The following PCDHA10 variants were observed in gnomAD, a reference collection of about 807,000 sequenced individuals.
PCDHA10 encodes protocadherin alpha 10.
In PCDHA10, 45 loss-of-function variants were observed where a neutral mutation model predicts 61.2. The observed-to-expected ratio is 0.74, with a 90% confidence interval of 0.58 to 0.94. The LOEUF (loss-of-function observed/expected upper bound fraction) is 0.94, where lower values mean the gene tolerates loss of function less well. PCDHA10 is among the 40% of genes least tolerant of loss of function. The pLI, the probability that PCDHA10 is intolerant of heterozygous loss-of-function variation, is 0.00. For synonymous variants in PCDHA10, 602 were observed against 548.8 expected (o/e 1.10, Z -1.35); for missense variants, 1,278 against 1,236.2 (o/e 1.03, Z -0.51).
intron 1 of PCDHA10, chr5:140,871,357 C>A: frequency 6.2e-7 from 1 of 1,614,196 alleles, no homozygotes; most frequent in Non-Finnish European, 8.5e-7. Flanking sequence ...ATACTCGCAG[C>A]AGAGGCGGCA....
rs1249815194 is a variant in PCDHA10 at position 140,858,033 on chromosome 5, C to T, written c.1985C>T (p.Ala662Val). The stretch of plus-strand genomic sequence containing the variant: ...GGCGAGCCGTCGCTGACGGCCACGG[C>T]CACTGTGCTTGTGTCGCTTGTGGAG... ...DHGEPSLTAT[A>V]TVLVSLVEGS... The change falls in exon 1 of 4, where the codon GCC becomes GTC. Residue 662 changes from alanine (A) to valine (V), a missense_variant. Transcript: ENST00000307360. 2 of 1,597,066 alleles carry T rather than the reference C, an allele frequency of 1.3e-6. No individual in the cohort carries two copies. Among genetic ancestry groups the T allele is most frequent in the Non-Finnish European group, 1.7e-6 (2 of 1,167,256 alleles).
chr5:140,953,713 A>T (rs1372806666), intron 1 of PCDHA10, among the ~76,000 whole-genome samples: 1 of 152,218 alleles, frequency 6.6e-6, no homozygotes, highest in Admixed American at 6.5e-5. Context: ...TGAGCTTCAG[A>T]CATTGTGTTT....
chr5:140,873,875 G>T (rs977504739), intron 1 of PCDHA10, among the ~76,000 whole-genome samples: 2 of 152,104 alleles, frequency 1.3e-5, no homozygotes, highest in African/African-American at 4.8e-5. Context: ...TGGCCAGGCT[G>T]GTCTTGAACT....
At chr5:140,902,530 G>C (rs569387885) in intron 1 of PCDHA10, among the ~76,000 whole-genome samples, 1 of 152,026 alleles carries the variant, frequency 6.6e-6, no homozygotes, top group African/African-American at 2.4e-5. Flanking sequence ...TTATTATGTT[G>C]AGGTATGTTC....
At chr5:140,872,497 C>G (rs1554166232) in intron 1 of PCDHA10, among the ~76,000 whole-genome samples, 1 of 152,150 alleles carries the variant, frequency 6.6e-6, no homozygotes. Context: ...CCTAGTGGTG[C>G]ATGCCTGTAG....
intron 1 of PCDHA10, among the ~76,000 whole-genome samples, chr5:140,920,824 C>T (rs537294471): frequency 3.4e-5 from 5 of 145,004 alleles, no homozygotes; most frequent in Admixed American, 1.4e-4. Context: ...AGCCTGGCGA[C>T]GGAGCAAGAC....
intron 1 of PCDHA10, chr5:140,865,693 C>T (rs1274401482): frequency 6.6e-6 from 1 of 152,076 alleles, no homozygotes; most frequent in South Asian, 2.1e-4. Context: ...TATGACTGTT[C>T]CAATTTGAAA....
intron 1 of PCDHA10, chr5:140,867,574 C>T (rs1581813828): frequency 6.6e-6 from 1 of 152,044 alleles, no homozygotes; most frequent in East Asian, 1.9e-4. Context: ...TTCATATGCC[C>T]TTGCAGTATT....
chr5:140,903,301 A>G (rs575233990), intron 1 of PCDHA10, among the ~76,000 whole-genome samples: 1 of 152,302 alleles, frequency 6.6e-6, no homozygotes, highest in East Asian at 1.9e-4. Context: ...GAAATTTAGT[A>G]TACAATAAAG....
chr5:140,873,086 C>T (rs984385666), intron 1 of PCDHA10, among the ~76,000 whole-genome samples: 6 of 152,122 alleles, frequency 3.9e-5, no homozygotes, highest in African/African-American at 9.7e-5. Context: ...ATTTCCCCCC[C>T]GTATAGAGGC....
chr5:140,956,644 C>G (rs2095298403), intron 1 of PCDHA10, among the ~76,000 whole-genome samples: 1 of 152,096 alleles, frequency 6.6e-6, no homozygotes, highest in Non-Finnish European at 1.5e-5. Flanking sequence ...GTTTTGGTAT[C>G]AGGATGATGC....
At chr5:140,942,530 T>C (rs963252648) in intron 1 of PCDHA10, among the ~76,000 whole-genome samples, 5 of 151,374 alleles carry the variant, frequency 3.3e-5, no homozygotes, top group Non-Finnish European at 5.9e-5. Flanking sequence ...AGCAACTAAC[T>C]CAGTATGGTG....
rs376660293 is a variant in PCDHA10 at position 141,011,766 on chromosome 5, A to C, written c.*1829A>C. ...ACCAATCTGACCTCTTTGAAGTTGCAGAATGCTTTGAAATTCTAATGGTAT... is the reference window on the plus strand; with the variant it reads ...ACCAATCTGACCTCTTTGAAGTTGCCGAATGCTTTGAAATTCTAATGGTAT... On this transcript the variant is annotated 3_prime_UTR_variant, in exon 4 of 4. Transcript: ENST00000307360. 2.6e-5 allele frequency: 4 copies of C among 153,796 alleles called. No homozygotes were observed. Among genetic ancestry groups the C allele is most frequent in the Non-Finnish European group, 5.9e-5 (4 of 68,044 alleles). 9.5% of individuals were successfully genotyped at this position (153,796 alleles called of 1,614,324 possible).
At chr5:140,974,379 T>G (rs2096625482) in intron 1 of PCDHA10, among the ~76,000 whole-genome samples, 1 of 152,250 alleles carries the variant, frequency 6.6e-6, no homozygotes, top group South Asian at 2.1e-4. Flanking sequence ...TCTGTTGTAC[T>G]GGAACCCATT....
At position 140,868,885 on chromosome 5, in the gene PCDHA10, T is replaced by C. The variant is rs559907492; in HGVS notation, c.2388+10449T>C. 56 of 733,832 alleles carry C rather than the reference T, an allele frequency of 7.6e-5. 1 individual carries two copies. The highest frequency in any genetic ancestry group is 1.1e-4 in the Non-Finnish European group (52 of 469,948). The allele number at this position is 733,832 out of a possible 1,614,324, so 45.5% of individuals were successfully genotyped here. A position where few individuals can be genotyped will look rare whatever the true frequency, so the allele number is the denominator to read the frequency against. On this transcript the variant is annotated intron_variant, in intron 1 of 3. Transcript: ENST00000307360. ...ATGCAGTGCACAGTACTCACAGTTTTAGGCGCAAGGTGTCGCTCTTTACTT... is the reference window on the plus strand; with the variant it reads ...ATGCAGTGCACAGTACTCACAGTTTCAGGCGCAAGGTGTCGCTCTTTACTT...
intron 1 of PCDHA10, chr5:140,862,594 A>G: frequency 2.0e-6 from 1 of 509,532 alleles, no homozygotes; most frequent in Non-Finnish European, 4.0e-6. Flanking sequence ...GCCCGAGTAC[A>G]TGGTGTTCGT....
intron 1 of PCDHA10, among the ~76,000 whole-genome samples, chr5:140,888,838 A>G (rs2061999996): frequency 6.6e-6 from 1 of 152,078 alleles, no homozygotes; most frequent in East Asian, 1.9e-4. Flanking sequence ...ACTCCACTGC[A>G]GCCTGGTGAC....
chr5:140,880,739 A>G (rs1349403476), intron 1 of PCDHA10, among the ~76,000 whole-genome samples: 1 of 152,204 alleles, frequency 6.6e-6, no homozygotes, highest in South Asian at 2.1e-4. Context: ...GAGAAAATGG[A>G]TTGTCAGTGT....
intron 1 of PCDHA10, chr5:140,861,768 T>TATCA (rs1554155221): frequency 1.3e-5 from 2 of 158,832 alleles, no homozygotes; most frequent in African/African-American, 4.8e-5. Context: ...TCCCTGGAAA[T>TATCA]ACCAAGAGCA....
Sources: allele counts gnomAD v4.1 joint callset (sites outside exome capture counted in the v4.1 genomes callset), GRCh38; gene constraint gnomAD v4.1.1; transcripts MANE v1.5; gene names NCBI Gene and HGNC (gene_info 2026-07-23, HGNC 2026-07-21).